The following NDUFA10 variants were observed in gnomAD, a reference collection of about 807,000 sequenced individuals.
NDUFA10 encodes NADH:ubiquinone oxidoreductase subunit A10.
NDUFA10 carries 40 observed loss-of-function variants against 47.8 expected under a neutral mutation model. The observed-to-expected ratio is 0.84, with a 90% CI of 0.65 to 1.09. The LOEUF (loss-of-function observed/expected upper bound fraction) is 1.09, where lower values mean the gene tolerates loss of function less well. NDUFA10 is among the 50% of genes least tolerant of loss of function. NDUFA10 has a pLI of 0.00. For synonymous variants in NDUFA10, 183 were observed against 172.2 expected, an observed-to-expected ratio of 1.06 and a Z score of -0.49; for missense variants, 413 against 451.1, an observed-to-expected ratio of 0.92 and a Z score of 0.76.
chr2:239,932,107 T>TA (rs1354686652), intron 4 of NDUFA10, among the ~76,000 whole-genome samples: 1 of 151,762 alleles, frequency 6.6e-6, no homozygotes, highest in Non-Finnish European at 1.5e-5. Context: ...GTGCTGGGAT[T>TA]ACAGGCGTGA....
intron 4 of NDUFA10, among the ~76,000 whole-genome samples, chr2:239,930,243 G>T (rs138474894): frequency 7.7e-6 from 1 of 129,480 alleles, no homozygotes; most frequent in South Asian, 2.6e-4. Flanking sequence ...CTTCTCCACC[G>T]CCCCTAGTCC....
intron 9 of NDUFA10, chr2:239,982,107 AC>A: frequency 6.2e-7 from 1 of 1,612,702 alleles, no homozygotes; most frequent in South Asian, 1.1e-5. Context: ...GTGACCTGAC[AC>A]GTGTACCTGA....
intron 8 of NDUFA10, among the ~76,000 whole-genome samples, chr2:239,999,591 G>A (rs1452696239): frequency 6.6e-6 from 1 of 152,194 alleles, no homozygotes; most frequent in African/African-American, 2.4e-5. Flanking sequence ...GTTTCCCACT[G>A]TGGATGGCCT....
intron 4 of NDUFA10, among the ~76,000 whole-genome samples, chr2:239,917,584 C>T (rs1435455248): frequency 6.6e-6 from 1 of 152,214 alleles, no homozygotes; most frequent in Non-Finnish European, 1.5e-5. Flanking sequence ...TAACGGACAT[C>T]TGGGTTGCAT....
At chr2:239,927,915 C>T (rs1694091788) in intron 4 of NDUFA10, among the ~76,000 whole-genome samples, 1 of 152,212 alleles carries the variant, frequency 6.6e-6, no homozygotes, top group East Asian at 1.9e-4. Flanking sequence ...CCCTGGTACC[C>T]CAATACGGTG....
chr2:239,970,415 C>T lies in NDUFA10; in HGVS notation c.1000-9229G>A, dbSNP rs76130469. Among the ~76,000 whole-genome samples the T allele has an allele frequency of 7.2e-3, 1,092 of 152,304 alleles. 53 individuals carry two copies. The East Asian group carries it at 0.14, about 19-fold the overall frequency. ...CAACTGCTAAAGGAAGTTATTCACA[C>T]AGGAGAAAGATGATGCCGGGTGGAA... On this transcript the variant is annotated intron_variant, in intron 9 of 9. Coordinates refer to ENST00000252711, the MANE Select transcript of NDUFA10 (RefSeq NM_004544.4).
Position 239,984,985 on chromosome 2 carries a change from G to A in NDUFA10, c.999+5089C>T, listed in dbSNP as rs565784553. Among the ~76,000 whole-genome samples, 139 of 152,320 alleles carry A rather than the reference G, an allele frequency of 9.1e-4. 2 individuals carry two copies. The highest frequency in any genetic ancestry group is 1.2e-3 in the African/African-American group (51 of 41,582). Reference sequence around the variant, plus strand: ...AGACCTCACAAAACGGAAGCCCAGCGTCACCAGCTTGCTTCCTGAGCGCTC... The same window carrying A: ...AGACCTCACAAAACGGAAGCCCAGCATCACCAGCTTGCTTCCTGAGCGCTC... On this transcript the variant is annotated intron_variant, in intron 9 of 9. Coordinates refer to ENST00000252711, the MANE Select transcript of NDUFA10 (RefSeq NM_004544.4).
At chr2:239,969,882 A>G in intron 9 of NDUFA10, 1 of 418,372 alleles carries the variant, frequency 2.4e-6, no homozygotes, top group African/African-American at 2.1e-5. Flanking sequence ...CCAAAAACAA[A>G]TGGACAGAGT....
At chr2:239,915,310 A>AT (rs1693841097) in intron 4 of NDUFA10, among the ~76,000 whole-genome samples, 1 of 124,880 alleles carries the variant, frequency 8.0e-6, no homozygotes, top group African/African-American at 2.7e-5. Context: ...AGACAGAGAT[A>AT]AACATACACA....
chr2:239,991,889 G>C lies in NDUFA10; in HGVS notation c.891-1707C>G, dbSNP rs1182452526. ...GCCTGGACCATGTGTAGTATAGAGA[G>C]CAACAGCGCCATCTATGCTTAATTT... On this transcript the variant is annotated intron_variant, in intron 8 of 9. Coordinates refer to ENST00000252711, the MANE Select transcript of NDUFA10 (RefSeq NM_004544.4). Among the ~76,000 whole-genome samples the C allele has an allele frequency of 2.6e-5, 4 of 152,198 alleles. No individual in the cohort carries two copies. The East Asian group carries it at 7.7e-4, about 29-fold the overall frequency.
intron 4 of NDUFA10, among the ~76,000 whole-genome samples, chr2:239,947,484 C>T (rs1255923197): frequency 6.6e-6 from 1 of 152,210 alleles, no homozygotes; most frequent in Non-Finnish European, 1.5e-5. Context: ...CAGCTGCTAC[C>T]AGATACAGAC....
intron 9 of NDUFA10, among the ~76,000 whole-genome samples, chr2:239,968,674 G>A (rs1033391518): frequency 1.3e-5 from 2 of 152,320 alleles, no homozygotes; most frequent in Non-Finnish European, 2.9e-5. Flanking sequence ...CCAGAAATCT[G>A]CACAGGGGAC....
In NDUFA10 at chr2:239,957,780, A is replaced by C. The variant is rs558870774; in HGVS notation, c.*3338T>G. 6.6e-6 allele frequency: 1 copy of C among 152,300 alleles called. No individual in the cohort carries two copies. The highest frequency in any genetic ancestry group is 2.1e-4 in the South Asian group (1 of 4,818). 9.4% of individuals were successfully genotyped at this position (152,300 alleles called of 1,614,324 possible). ...TCACTGGAGCTCCCCGGCCTCCTGGAATTCAGGTGGCAATGTCCAACATCC... is the reference window on the plus strand; with the variant it reads ...TCACTGGAGCTCCCCGGCCTCCTGGCATTCAGGTGGCAATGTCCAACATCC... On this transcript the variant is annotated 3_prime_UTR_variant, in exon 10 of 10. Coordinates refer to ENST00000252711, the MANE Select transcript of NDUFA10 (RefSeq NM_004544.4).
chr2:239,955,453 A>T (rs4853977), downstream of NDUFA10, among the ~76,000 whole-genome samples: 98,732 of 151,786 alleles, frequency 0.65, 33,068 homozygotes, highest in African/African-American at 0.82. Flanking sequence ...CTCATCAGGG[A>T]GCTGGTCCAC....
At chr2:239,976,007 T>C (rs1421466907) in intron 9 of NDUFA10, among the ~76,000 whole-genome samples, 1 of 152,222 alleles carries the variant, frequency 6.6e-6, no homozygotes, top group Non-Finnish European at 1.5e-5. Flanking sequence ...AAAATTTATC[T>C]GATAGGGTTT....
At chr2:240,023,638 A>G (rs929566488) in intron 1 of NDUFA10, among the ~76,000 whole-genome samples, 1 of 152,254 alleles carries the variant, frequency 6.6e-6, no homozygotes, top group African/African-American at 2.4e-5. Flanking sequence ...AAATTAAGGC[A>G]TATCCATATT....
At chr2:240,006,050 G>A (rs1696936289) in intron 7 of NDUFA10, among the ~76,000 whole-genome samples, 1 of 152,200 alleles carries the variant, frequency 6.6e-6, no homozygotes, top group African/African-American at 2.4e-5. Flanking sequence ...TACACAGTCT[G>A]ACTTTCCAGA....
Position 239,960,664 on chromosome 2 carries a change from CAG to C in NDUFA10, c.*452_*453del, listed in dbSNP as rs1401217255. The C allele has an allele frequency of 1.8e-6, 2 of 1,086,222 alleles. No individual in the cohort carries two copies. Among genetic ancestry groups the C allele is most frequent in the Non-Finnish European group, 2.3e-6 (2 of 888,440 alleles). 67.3% of individuals were successfully genotyped at this position (1,086,222 alleles called of 1,614,324 possible). ...CTCAATTAAACCACACCACACCAAA[CAG>C]GGCCCAGAGCAGCGTGTGTGCACGT... On this transcript the variant is annotated 3_prime_UTR_variant, in exon 10 of 10. Transcript: ENST00000252711.
chr2:240,018,301 T>G, intron 4 of NDUFA10: 4 of 1,069,808 alleles, frequency 3.7e-6, no homozygotes, highest in Non-Finnish European at 4.0e-6. Context: ...TTAAGCTGCG[T>G]GTGTTTGAGG....
Sources: gnomAD v4.1 joint callset for allele counts (sites outside exome capture counted in the v4.1 genomes callset) on GRCh38, gnomAD v4.1.1 for gene constraint, MANE v1.5 for transcripts, NCBI Gene and HGNC (gene_info 2026-07-23, HGNC 2026-07-21) for gene names.